The following NT5C2 variants were observed in gnomAD, a reference collection of about 807,000 sequenced individuals.
NT5C2 encodes 5'-nucleotidase, cytosolic II.
NT5C2 carries 58 observed loss-of-function variants against 76.1 expected under a neutral mutation model. The observed-to-expected ratio is 0.76, with a 90% CI of 0.62 to 0.95. The LOEUF (loss-of-function observed/expected upper bound fraction) is 0.95, where lower values mean the gene tolerates loss of function less well. Among genes scored for constraint, NT5C2 ranks in the 40% least tolerant of loss-of-function variants. The pLI is 0.00. For synonymous variants in NT5C2, 229 were observed against 237.4 expected, an observed-to-expected ratio of 0.96 and a Z score of 0.32; for missense variants, 478 against 690.3, an observed-to-expected ratio of 0.69 and a Z score of 3.45.
At chr10:103,091,355 T>G (rs1007869815) in intron 16 of NT5C2, among the ~76,000 whole-genome samples, 1 of 152,020 alleles carries the variant, frequency 6.6e-6, no homozygotes, top group African/African-American at 2.4e-5. Flanking sequence ...AGAACTTTTT[T>G]TTTTTTTGAG....
chr10:103,175,648 C>A (rs752620137), intron 2 of NT5C2: 27 of 227,696 alleles, frequency 1.2e-4, no homozygotes, highest in Non-Finnish European at 2.4e-4. Context: ...AAGACGATGG[C>A]CACGTGAAAA....
At chr10:103,122,080 G>A (rs574207198) in intron 4 of NT5C2, among the ~76,000 whole-genome samples, 236 of 152,184 alleles carry the variant, frequency 1.6e-3, no homozygotes, top group African/African-American at 5.2e-3. Flanking sequence ...AGACTGAGGC[G>A]CCAGAATCGC....
Position 103,099,965 on chromosome 10 carries a change from G to C in NT5C2, c.594C>G (p.Phe198Leu). The C allele has an allele frequency of 1.2e-6, 2 of 1,612,966 alleles. No individual in the cohort carries two copies. Among genetic ancestry groups the C allele is most frequent in the South Asian group, 2.2e-5 (2 of 91,040 alleles). ...AGTCAACAGCATCTCTTACATCCTG[G>C]AACATACTCCGGTAGGACATGAAGA... Reference protein sequence around the residue: ...GDLFMSYRSMFQDVRDAVDWV... With the variant: ...GDLFMSYRSMLQDVRDAVDWV... The change falls in exon 9 of 19, where the codon TTC becomes TTG. Residue 198 changes from phenylalanine to leucine, a missense_variant. Phe to Leu is a conservative substitution (Grantham distance 22, BLOSUM62 0). Transcript: ENST00000404739.
At chr10:103,110,673 A>G (rs1449341482) in intron 4 of NT5C2, among the ~76,000 whole-genome samples, 1 of 152,186 alleles carries the variant, frequency 6.6e-6, no homozygotes, top group Non-Finnish European at 1.5e-5. Flanking sequence ...TGACAACACT[A>G]TTTCATCAAG....
At chr10:103,137,643 A>G (rs1221673736) in intron 4 of NT5C2, among the ~76,000 whole-genome samples, 1 of 152,228 alleles carries the variant, frequency 6.6e-6, no homozygotes, top group Non-Finnish European at 1.5e-5. Context: ...TTGTGTAAAG[A>G]CAAAATTTTT....
chr10:103,157,989 C>A (rs2083818537), intron 3 of NT5C2, among the ~76,000 whole-genome samples: 2 of 151,934 alleles, frequency 1.3e-5, no homozygotes, highest in Non-Finnish European at 2.9e-5. Flanking sequence ...AGGAGAATCG[C>A]TTGAACCCGG....
intron 1 of NT5C2, among the ~76,000 whole-genome samples, chr10:103,190,645 T>C (rs1779349225): frequency 6.6e-6 from 1 of 152,242 alleles, no homozygotes; most frequent in Non-Finnish European, 1.5e-5. Flanking sequence ...TGCATGATGT[T>C]AAGTAGCAAG....
chr10:103,173,727 C>G (rs894511435), intron 3 of NT5C2, among the ~76,000 whole-genome samples: 1 of 149,778 alleles, frequency 6.7e-6, no homozygotes, highest in Non-Finnish European at 1.5e-5. Context: ...GAGTTCAAAA[C>G]CAGCCTGGCC....
chr10:103,105,352 A>G, intron 6 of NT5C2: 11 of 912,358 alleles, frequency 1.2e-5, no homozygotes, highest in Non-Finnish European at 1.6e-5. Context: ...ATTTTTATAT[A>G]CATACCTCTT....
At chr10:103,165,202 C>T (rs2086060878) in intron 3 of NT5C2, among the ~76,000 whole-genome samples, 1 of 152,198 alleles carries the variant, frequency 6.6e-6, no homozygotes, top group South Asian at 2.1e-4. Flanking sequence ...TCAAGAAATC[C>T]ACCTGCCTCA....
rs2274339 is a variant in NT5C2 at position 103,100,296 on chromosome 10, T to A, written c.540-277A>T. ...AAGTTCCAAAAATGTCAGGTTTTTT[T>A]ATTTATCACTTTTTAGAAACAGGTT... On this transcript the variant is annotated intron_variant, in intron 8 of 18. Coordinates refer to ENST00000404739, the MANE Select transcript of NT5C2 (RefSeq NM_001351169.2). Among the ~76,000 whole-genome samples, 47,360 of 152,094 alleles carry A rather than the reference T, an allele frequency of 0.31. 7,506 individuals carry two copies. Among genetic ancestry groups the A allele is most frequent in the Middle Eastern group, 0.36 (107 of 294 alleles).
chr10:103,106,610 T>A lies in NT5C2; in HGVS notation c.272A>T (p.Tyr91Phe). 1.9e-6 allele frequency: 3 copies of A among 1,611,740 alleles called. No homozygotes were observed. The highest frequency in any genetic ancestry group is 2.5e-6 in the Non-Finnish European group (3 of 1,177,898). ...TTACCTGGTAGGGAATGTAGAATCA[T>A]AAGCAAAGCTGAGCAACTCCTGGGG... Reference protein sequence around the residue: ...GYPQELLSFAYDSTFPTRGLV... With the variant: ...GYPQELLSFAFDSTFPTRGLV... The change falls in exon 5 of 19, where the codon TAT (tyrosine) becomes TTT (phenylalanine). Residue 91 changes from tyrosine (Y) to phenylalanine (F), a missense_variant. Coordinates refer to ENST00000404739, the MANE Select transcript of NT5C2 (RefSeq NM_001351169.2).
At chr10:103,144,759 A>T (rs1288143942) in intron 3 of NT5C2, among the ~76,000 whole-genome samples, 1 of 152,220 alleles carries the variant, frequency 6.6e-6, no homozygotes, top group Admixed American at 6.5e-5. Context: ...GACATATGTC[A>T]TATAAGCTGT....
intron 1 of NT5C2, among the ~76,000 whole-genome samples, chr10:103,188,343 G>A (rs2092297763): frequency 6.6e-6 from 1 of 151,818 alleles, no homozygotes; most frequent in Non-Finnish European, 1.5e-5. Context: ...AGGCGACAGT[G>A]CAAAAATCAA....
intron 1 of NT5C2, among the ~76,000 whole-genome samples, chr10:103,184,007 C>G (rs1178584129): frequency 6.6e-6 from 1 of 150,988 alleles, no homozygotes; most frequent in South Asian, 2.1e-4. Context: ...GGCTGGAGTG[C>G]AATGACGCGA....
rs535653427 is a variant in NT5C2, at chr10:103,149,921, AAG to A, written c.102-10444_102-10443del. On this transcript the variant is annotated intron_variant, in intron 3 of 18. Coordinates refer to ENST00000404739, the MANE Select transcript of NT5C2 (RefSeq NM_001351169.2). The stretch of plus-strand genomic sequence containing the variant: ...GGGCTAATTCAATCATGACACTGCA[AAG>A]AGAGTATATTTTTCCCTGCATTACA... 3.1e-4 allele frequency among the ~76,000 whole-genome samples: 47 copies of A among 152,150 alleles called. 2 individuals are homozygous for A. In the South Asian group the frequency reaches 4.6e-3, roughly 15 times the overall value.
chr10:103,102,706 A>C (rs1184052992), intron 6 of NT5C2, among the ~76,000 whole-genome samples: 1 of 152,062 alleles, frequency 6.6e-6, no homozygotes, highest in African/African-American at 2.4e-5. Context: ...GTCCATGCTA[A>C]GGTGTCTCTG....
intron 6 of NT5C2, among the ~76,000 whole-genome samples, chr10:103,104,729 C>T (rs1041442943): frequency 2.6e-5 from 4 of 152,180 alleles, no homozygotes; most frequent in Non-Finnish European, 5.9e-5. Context: ...TTCTAAGGGG[C>T]ATCCTGTGAC....
At chr10:103,099,042 G>A (rs1263896425) in intron 9 of NT5C2, 58 bp from the exon 10 acceptor site, 70 of 1,372,132 alleles carry the variant, frequency 5.1e-5, no homozygotes, top group Middle Eastern at 2.1e-4. Context: ...TTAACATGTA[G>A]TTTATAAGAA....
Sources: allele counts gnomAD v4.1 joint callset (sites outside exome capture counted in the v4.1 genomes callset), GRCh38; gene constraint gnomAD v4.1.1; transcripts MANE v1.5; gene names NCBI Gene and HGNC (gene_info 2026-07-23, HGNC 2026-07-21).